Variants in TNNI3K observed in about 807,000 individuals in gnomAD.
TNNI3K encodes serine/threonine-protein kinase TNNI3K.
TNNI3K carries 140 observed loss-of-function variants against 114.5 expected under a neutral mutation model. The ratio of observed to expected loss-of-function variants is 1.22; its 90% CI spans 1.07 to 1.41. The LOEUF (loss-of-function observed/expected upper bound fraction) is 1.41, where lower values mean the gene tolerates loss of function less well. TNNI3K is among the 40% of genes most tolerant of loss of function. TNNI3K has a pLI of 0.00. For synonymous variants in TNNI3K, 347 were observed against 347.5 expected (o/e 1.00, Z 0.02); for missense variants, 1,125 against 1,007.6 (o/e 1.12, Z -1.58).
chr1:74,507,320 A>C (rs1429134173), intron 23 of TNNI3K, among the ~76,000 whole-genome samples: 1 of 150,984 alleles, frequency 6.6e-6, no homozygotes, highest in Non-Finnish European at 1.5e-5. Context: ...TGTCCTAAAT[A>C]CCCTCAACTA....
intron 4 of TNNI3K, among the ~76,000 whole-genome samples, chr1:74,255,236 C>T (rs1381058827): frequency 1.9e-4 from 29 of 151,198 alleles, no homozygotes; most frequent in African/African-American, 5.8e-4. Flanking sequence ...CGCCTGTAGT[C>T]CCAGCTACTT....
rs3765675 is a variant in TNNI3K, at chr1:74,472,144, C to A, written c.2121+8594C>A. 8.4e-6 allele frequency: 6 copies of A among 717,112 alleles called. No homozygotes were observed. The South Asian group carries it at 8.9e-5, about 11-fold the overall frequency. 44.4% of individuals were successfully genotyped at this position (717,112 alleles called of 1,614,324 possible). ...TGTTAAACGCTTCTCAAGACTTTCT[C>A]CTGCCAAGGCTGAAGCGGGTGTTGC... On this transcript the variant is annotated intron_variant, in intron 21 of 24. Transcript: ENST00000326637.
intron 23 of TNNI3K, among the ~76,000 whole-genome samples, chr1:74,537,121 A>G (rs904771247): frequency 2.0e-5 from 3 of 152,222 alleles, no homozygotes; most frequent in African/African-American, 7.2e-5. Context: ...TGCATTTAGC[A>G]ACTGAACAAA....
intron 5 of TNNI3K, among the ~76,000 whole-genome samples, chr1:74,319,625 T>A (rs1271591563): frequency 6.6e-6 from 1 of 152,188 alleles, no homozygotes; most frequent in Non-Finnish European, 1.5e-5. Context: ...GGAGCAAACA[T>A]GGCCTGGCAA....
At chr1:74,411,579 A>G (rs961797659) in intron 17 of TNNI3K, among the ~76,000 whole-genome samples, 4 of 152,154 alleles carry the variant, frequency 2.6e-5, no homozygotes, top group African/African-American at 9.7e-5. Flanking sequence ...GCTGCCTGAA[A>G]TTCTGCTAAT....
intron 17 of TNNI3K, chr1:74,378,867 A>G (rs1204949281): frequency 1.3e-5 from 2 of 151,420 alleles, no homozygotes; most frequent in African/African-American, 4.9e-5. Flanking sequence ...CCCTATGTAT[A>G]CTGGTGATAA....
chr1:74,496,154 A>C (rs879686810), intron 23 of TNNI3K, among the ~76,000 whole-genome samples: 5 of 152,206 alleles, frequency 3.3e-5, no homozygotes, highest in Non-Finnish European at 7.3e-5. Context: ...TCCAATATAC[A>C]TCCAAGTATA....
chr1:74,446,978 G>A (rs1666723708), intron 20 of TNNI3K, among the ~76,000 whole-genome samples: 1 of 82,668 alleles, frequency 1.2e-5, no homozygotes, highest in African/African-American at 4.3e-5. Context: ...GTAATGTGAT[G>A]CCTCCAGCTT....
At chr1:74,449,286 A>C (rs1221186562) in intron 20 of TNNI3K, among the ~76,000 whole-genome samples, 1 of 151,318 alleles carries the variant, frequency 6.6e-6, no homozygotes, top group Admixed American at 6.6e-5. Context: ...GGTAGTTTGT[A>C]TTTCTGTGGG....
chr1:74,463,680 C>T, intron 21 of TNNI3K, 130 bp downstream of exon 21: 4 of 942,162 alleles, frequency 4.2e-6, no homozygotes, highest in Non-Finnish European at 6.4e-6. Flanking sequence ...TTGCCTTCTG[C>T]TCTTTAGTCT....
intron 20 of TNNI3K, among the ~76,000 whole-genome samples, chr1:74,455,827 G>A (rs1667203917): frequency 6.6e-6 from 1 of 152,174 alleles, no homozygotes; most frequent in African/African-American, 2.4e-5. Context: ...CCACATTGGT[G>A]AGGGTGGATC....
At chr1:74,433,088 C>T (rs1369104450) in intron 17 of TNNI3K, among the ~76,000 whole-genome samples, 1 of 152,100 alleles carries the variant, frequency 6.6e-6, no homozygotes, top group African/African-American at 2.4e-5. Flanking sequence ...ATCTCTGTCA[C>T]TGCTCCCACA....
intron 5 of TNNI3K, among the ~76,000 whole-genome samples, chr1:74,275,192 AG>A (rs1428470799): frequency 6.6e-6 from 1 of 152,092 alleles, no homozygotes; most frequent in Non-Finnish European, 1.5e-5. Context: ...AATTTACAAA[AG>A]AACGAGATTT....
chr1:74,273,779 A>T (rs901999815), intron 5 of TNNI3K, among the ~76,000 whole-genome samples: 5 of 151,906 alleles, frequency 3.3e-5, no homozygotes, highest in Non-Finnish European at 5.9e-5. Flanking sequence ...CTGATATTTG[A>T]TGACTTTTAT....
chr1:74,416,621 T>A, intron 17 of TNNI3K: 1 of 905,332 alleles, frequency 1.1e-6, no homozygotes, highest in Non-Finnish European at 1.3e-6. Flanking sequence ...TTCTATTCAT[T>A]ATTTTCCAGT....
intron 1 of TNNI3K, among the ~76,000 whole-genome samples, chr1:74,235,810 T>G (rs1653817848): frequency 6.6e-6 from 1 of 151,360 alleles, no homozygotes; most frequent in Admixed American, 6.6e-5. Context: ...AAAACCGTCT[T>G]GCAACTAGAG....
At chr1:74,483,401 A>G (rs1668599224) in intron 21 of TNNI3K, 1 of 714,466 alleles carries the variant, frequency 1.4e-6, no homozygotes, top group Non-Finnish European at 2.6e-6. Flanking sequence ...AGGGCAATGT[A>G]TATCATAATG....
Position 74,488,634 on chromosome 1 carries a change from G to T in TNNI3K, c.2122-555G>T, listed in dbSNP as rs45441298. Among the ~76,000 whole-genome samples, 181 of 152,164 alleles carry T rather than the reference G, an allele frequency of 1.2e-3. 1 individual carries two copies. Among genetic ancestry groups the T allele is most frequent in the African/African-American group, 3.9e-3 (161 of 41,514 alleles). On this transcript the variant is annotated intron_variant, in intron 21 of 24. Coordinates refer to ENST00000326637, the MANE Select transcript of TNNI3K (RefSeq NM_015978.3). ...AATAAACTTTTTTTTAACCAAACTC[G>T]TCTGACACAGAGGTTCATAATGGGC...
intron 8 of TNNI3K, 25 bp from the exon 9 acceptor site, chr1:74,343,050 A>G (rs766238278): frequency 6.2e-7 from 1 of 1,613,096 alleles, no homozygotes; most frequent in Non-Finnish European, 8.5e-7. Context: ...TTACAATATT[A>G]ACAAGATATT....
Sources: gnomAD v4.1 joint callset for allele counts (sites outside exome capture counted in the v4.1 genomes callset) on GRCh38, gnomAD v4.1.1 for gene constraint, MANE v1.5 for transcripts, NCBI Gene and HGNC (gene_info 2026-07-23, HGNC 2026-07-21) for gene names.